The following GNAL variants were observed in gnomAD, a reference collection of about 807,000 sequenced individuals.
The protein encoded by GNAL is G protein subunit alpha L, also known as guanine nucleotide-binding protein G(olf) subunit alpha.
Under a neutral mutation model 55.1 loss-of-function variants are expected in GNAL, and 18 were observed. The ratio of observed to expected loss-of-function variants is 0.33; its 90% CI spans 0.23 to 0.48. GNAL has a LOEUF of 0.48. Among genes scored for constraint, GNAL ranks in the 20% least tolerant of loss-of-function variants. GNAL has a pLI of 0.99. For synonymous variants in GNAL, 253 were observed against 237.0 expected (o/e 1.07, Z -0.62); for missense variants, 412 against 614.1 (o/e 0.67, Z 3.48).
chr18:11,803,958 A>G (rs12957376), intron 4 of GNAL, among the ~76,000 whole-genome samples: 17 of 147,776 alleles, frequency 1.2e-4, no homozygotes, highest in Middle Eastern at 3.9e-3. Flanking sequence ...GTACAGGTGC[A>G]GTTTGGATGG....
chr18:11,780,038 G>A (rs915987500), intron 4 of GNAL, among the ~76,000 whole-genome samples: 4 of 152,164 alleles, frequency 2.6e-5, no homozygotes, highest in Non-Finnish European at 5.9e-5. Context: ...CATCATTAGC[G>A]CAGTTAGTAC....
At chr18:11,814,155 C>CA (rs780964299) in intron 4 of GNAL, among the ~76,000 whole-genome samples, 3 of 151,910 alleles carry the variant, frequency 2.0e-5, no homozygotes, top group Non-Finnish European at 2.9e-5. Flanking sequence ...TGATAGAACA[C>CA]AAAAAAAGGA....
In GNAL at chr18:11,881,232, C is replaced by G; in HGVS notation, c.*97C>G. The G allele has an allele frequency of 3.2e-6, 4 of 1,242,120 alleles. No homozygotes were observed. The highest frequency in any genetic ancestry group is 4.5e-6 in the Non-Finnish European group (4 of 896,562). The allele number at this position is 1,242,120 out of a possible 1,614,324, so 76.9% of individuals were successfully genotyped here. A position where few individuals can be genotyped will look rare whatever the true frequency, so the allele number is the denominator to read the frequency against. On this transcript the variant is annotated 3_prime_UTR_variant, in exon 12 of 12. Coordinates refer to ENST00000334049, the MANE Select transcript of GNAL (RefSeq NM_182978.4). This position sits in a 1 kb window ranked among gnomAD's most constrained non-coding sequence, Gnocchi z 4.8. ...AGGCAGAGTCTCTAGTTCCATCTCG[C>G]TGCCGTCTGTCCCGTTCTGTGTCGA... is the stretch of plus-strand genomic sequence containing the variant.
At chr18:11,719,815 G>A (rs975503847) in intron 1 of GNAL, among the ~76,000 whole-genome samples, 89 of 152,216 alleles carry the variant, frequency 5.8e-4, no homozygotes, top group African/African-American at 2.0e-3. Context: ...ATGCTGCAGC[G>A]GCCGTGGACG....
intron 1 of GNAL, among the ~76,000 whole-genome samples, chr18:11,697,975 G>C (rs2031461307): frequency 6.6e-6 from 1 of 152,086 alleles, no homozygotes; most frequent in Non-Finnish European, 1.5e-5. Context: ...ATGCCACCTG[G>C]GGACCACATG....
chr18:11,763,927 TATTTG>T (rs2033323620), intron 4 of GNAL, among the ~76,000 whole-genome samples: 1 of 152,160 alleles, frequency 6.6e-6, no homozygotes, highest in Non-Finnish European at 1.5e-5. Context: ...TGAGGTTTTG[TATTTG>T]GAGCAACAGC....
chr18:11,865,367 C>T (rs1417021681), intron 7 of GNAL, among the ~76,000 whole-genome samples: 1 of 149,522 alleles, frequency 6.7e-6, no homozygotes, highest in African/African-American at 2.6e-5. Flanking sequence ...TTCCAGTTCT[C>T]CCAGCTTTTC....
chr18:11,764,628 G>A (rs2033348437), intron 4 of GNAL, among the ~76,000 whole-genome samples: 1 of 152,108 alleles, frequency 6.6e-6, no homozygotes, highest in African/African-American at 2.4e-5. Context: ...AGGCAACATG[G>A]TGAAACCCTG....
At chr18:11,698,472 CAG>C in intron 1 of GNAL, among the ~76,000 whole-genome samples, 1 of 127,690 alleles carries the variant, frequency 7.8e-6, no homozygotes, top group Non-Finnish European at 1.6e-5. Context: ...TCCTGGGAGA[CAG>C]AACAAGACTC....
intron 9 of GNAL, among the ~76,000 whole-genome samples, chr18:11,869,457 T>C (rs1379917934): frequency 6.6e-6 from 1 of 152,218 alleles, no homozygotes; most frequent in African/African-American, 2.4e-5. Context: ...TGGAGTATTC[T>C]TTGATGAAGT....
chr18:11,861,921 G>A (rs530898502), intron 5 of GNAL, among the ~76,000 whole-genome samples: 13 of 150,710 alleles, frequency 8.6e-5, no homozygotes, highest in African/African-American at 2.9e-4. Flanking sequence ...CCACATACTC[G>A]CTCTCCACAC....
chr18:11,866,479 A>T (rs1356942478), intron 7 of GNAL, among the ~76,000 whole-genome samples: 2 of 150,382 alleles, frequency 1.3e-5, no homozygotes, highest in Non-Finnish European at 2.9e-5. Context: ...GAAACGCCTT[A>T]TGCGCTGAGC....
At position 11,744,167 on chromosome 18, in the gene GNAL, T is replaced by A. The variant is rs1488818268; in HGVS notation, c.377-8686T>A. On this transcript the variant is annotated intron_variant, in intron 1 of 11. Coordinates refer to ENST00000334049, the MANE Select transcript of GNAL (RefSeq NM_182978.4). Reference sequence around the variant, plus strand: ...GGGGTGAAGTCAGAGACATGTAACCTACTTTTCCTACTGATTCAGTGTTAT... The same window carrying A: ...GGGGTGAAGTCAGAGACATGTAACCAACTTTTCCTACTGATTCAGTGTTAT... Among the ~76,000 whole-genome samples, 8 of 152,358 alleles carry A rather than the reference T, an allele frequency of 5.3e-5. No homozygotes were observed. In the East Asian group the frequency reaches 1.2e-3, roughly 22 times the overall value.
chr18:11,732,908 C>T (rs373339537), intron 1 of GNAL, among the ~76,000 whole-genome samples: 3 of 152,198 alleles, frequency 2.0e-5, no homozygotes, highest in African/African-American at 4.8e-5. Flanking sequence ...AATAGAAAGG[C>T]GGGAACACAG....
chr18:11,766,346 T>G (rs1309624113), intron 4 of GNAL, among the ~76,000 whole-genome samples: 1 of 152,246 alleles, frequency 6.6e-6, no homozygotes, highest in Admixed American at 6.5e-5. Context: ...ATGCATAACA[T>G]TCTCACTACA....
chr18:11,695,642 C>T (rs1009159677), intron 1 of GNAL, among the ~76,000 whole-genome samples: 8 of 152,298 alleles, frequency 5.3e-5, no homozygotes, highest in Non-Finnish European at 7.4e-5. Context: ...CACTCAACTA[C>T]TCTTTTAATA....
rs866744675 is a variant in GNAL, at chr18:11,689,798, G to T, written c.235G>T (p.Glu79Ter). The change falls in exon 1 of 12, where the codon GAG becomes TAG. Residue 79 changes from glutamate to a stop codon, truncating the protein, a stop_gained. Transcript: ENST00000334049. LOFTEE classifies it high-confidence loss of function. ...DKPKEKRQRT[E>*]QLSAEEREAA... ...GCCGAAGGAGAAGCGGCAGCGCACC[G>T]AGCAGCTGAGTGCCGAGGAGCGCGA... The T allele has an allele frequency of 1.3e-6, 2 of 1,537,962 alleles. No homozygotes were observed. The highest frequency in any genetic ancestry group is 1.9e-5 in the Admixed American group (1 of 51,398).
intron 4 of GNAL, among the ~76,000 whole-genome samples, chr18:11,773,315 GT>G (rs1283373200): frequency 1.5e-4 from 23 of 152,244 alleles, no homozygotes; most frequent in African/African-American, 4.8e-4. Flanking sequence ...AAAAGGCTTT[GT>G]GTAAATCACC....
At chr18:11,838,591 AT>A (rs1449899453) in intron 5 of GNAL, among the ~76,000 whole-genome samples, 1 of 152,176 alleles carries the variant, frequency 6.6e-6, no homozygotes, top group Non-Finnish European at 1.5e-5. Context: ...AGTAAAATTA[AT>A]TTGGAGACTC....
Sources: allele counts gnomAD v4.1 joint callset (sites outside exome capture counted in the v4.1 genomes callset), GRCh38; gene constraint gnomAD v4.1.1; non-coding constraint Gnocchi (gnomAD v3.1); transcripts MANE v1.5; gene names NCBI Gene and HGNC (gene_info 2026-07-23, HGNC 2026-07-21).